Variants in TEX15 observed in about 807,000 individuals in gnomAD.
TEX15 encodes testis expressed 15, meiosis and synapsis associated, also known as testis-expressed protein 15.
In TEX15, 171 loss-of-function variants were observed where a neutral mutation model predicts 237.3. The observed-to-expected ratio is 0.72, with a 90% CI of 0.64 to 0.82. The LOEUF (loss-of-function observed/expected upper bound fraction) is 0.82. Among genes scored for constraint, TEX15 ranks in the 40% least tolerant of loss-of-function variants. TEX15 has a pLI of 0.00. For missense variants in TEX15, 3,750 were observed against 3,646.5 expected (o/e 1.03, Z -0.73); for synonymous variants, 1,338 against 1,269.8 (o/e 1.05, Z -1.14).
chr8:30,849,452 C>T (rs531699062), intron 7 of TEX15, 136 bp from the exon 8 acceptor site: 88 of 499,718 alleles, frequency 1.8e-4, no homozygotes, highest in East Asian at 1.5e-3. Flanking sequence ...GTGTTTTCAA[C>T]GGAAAAAGCA....
intron 5 of TEX15, among the ~76,000 whole-genome samples, chr8:30,863,662 C>CAGCCAGACATA (rs1808097587): frequency 6.6e-6 from 1 of 151,498 alleles, no homozygotes; most frequent in Admixed American, 6.6e-5. Flanking sequence ...CCCTATTTTG[C>CAGCCAGACATA]AGCCAGACAT....
At chr8:30,900,511 T>C (rs1032470048) in intron 1 of TEX15, among the ~76,000 whole-genome samples, 24 of 152,236 alleles carry the variant, frequency 1.6e-4, no homozygotes, top group African/African-American at 4.8e-4. Flanking sequence ...ACTGTAATTA[T>C]AGTAAGTTGA....
At position 30,842,613 on chromosome 8, in the gene TEX15, A is replaced by C; in HGVS notation, c.7554T>G (p.Leu2518=). The C allele has an allele frequency of 6.2e-7, 1 of 1,611,406 alleles. No homozygotes were observed. Among genetic ancestry groups the C allele is most frequent in the Non-Finnish European group, 8.5e-7 (1 of 1,179,790 alleles). ...TGCAGATAATATCCAGATCTTTCTT[A>C]AGTTCGGAAACAGCAGTCTCTATCA... ...WKVIETAVSE[L]KKDLDIICKY... is the part of the protein sequence containing the mutation. Residue 2518 remains leucine (L), a synonymous_variant, in exon 8 of 11, where the codon CTT becomes CTG. Coordinates refer to ENST00000643185, the MANE Select transcript of TEX15 (RefSeq NM_001350162.2).
At chr8:30,889,447 G>A (rs536522487) in intron 2 of TEX15, among the ~76,000 whole-genome samples, 2 of 151,908 alleles carry the variant, frequency 1.3e-5, no homozygotes, top group African/African-American at 2.4e-5. Flanking sequence ...ATGAGACTCC[G>A]GCTCAAAGAA....
At chr8:30,862,746 C>T (rs1028364998) in intron 5 of TEX15, among the ~76,000 whole-genome samples, 4 of 152,124 alleles carry the variant, frequency 2.6e-5, no homozygotes, top group Non-Finnish European at 5.9e-5. Context: ...AAAGCTTAAC[C>T]AGAGTAAATC....
chr8:30,849,888 G>T (rs1478046109), intron 7 of TEX15, among the ~76,000 whole-genome samples: 1 of 151,986 alleles, frequency 6.6e-6, no homozygotes, highest in African/African-American at 2.4e-5. Context: ...AACAGAGCAA[G>T]ACTCCATCTC....
At chr8:30,890,870 TTC>T (rs1442039387) in intron 2 of TEX15, among the ~76,000 whole-genome samples, 4 of 152,250 alleles carry the variant, frequency 2.6e-5, no homozygotes, top group Admixed American at 6.5e-5. Flanking sequence ...GAGCTATTTT[TTC>T]TGTGAATCAC....
rs747443938 is a variant in TEX15, at chr8:30,846,629, T to C, written c.3538A>G (p.Ser1180Gly). 6.2e-7 allele frequency: 1 copy of C among 1,613,924 alleles called. No homozygotes were observed. The highest frequency in any genetic ancestry group is 8.5e-7 in the Non-Finnish European group (1 of 1,179,842). Residue 1180 changes from serine (S) to glycine (G), a missense_variant, in exon 8 of 11, where the codon AGT becomes GGT. By Grantham distance (56) the Ser-to-Gly change is moderately conservative. Transcript: ENST00000643185. ...GCTTCAGTTACATGTGTGCAAAAACTATCTTTCAATGCAAGGGAGTCAGCT... is the reference window on the plus strand; with the variant it reads ...GCTTCAGTTACATGTGTGCAAAAACCATCTTTCAATGCAAGGGAGTCAGCT... Reference protein sequence around the residue: ...PTADSLALKDSFCTHVTEATK... With the variant: ...PTADSLALKDGFCTHVTEATK...
At chr8:30,896,402 A>T (rs1409484063) in intron 2 of TEX15, among the ~76,000 whole-genome samples, 3 of 152,168 alleles carry the variant, frequency 2.0e-5, no homozygotes, top group Admixed American at 1.3e-4. Context: ...TTAGAAACAG[A>T]TTACCAAATT....
Position 30,831,877 on chromosome 8 carries a change from C to T in TEX15, c.*1409G>A, listed in dbSNP as rs1469787635. ...CATTTTTGAATACCAGTTAATATTA[C>T]TGCTTTCAAAGTTGTTCAGGAGTTC... On this transcript the variant is annotated 3_prime_UTR_variant, in exon 11 of 11. Transcript: ENST00000643185. 6.6e-6 allele frequency: 1 copy of T among 152,330 alleles called. No individual in the cohort carries two copies. The highest frequency in any genetic ancestry group is 1.9e-4 in the East Asian group (1 of 5,188). 9.4% of individuals were successfully genotyped at this position (152,330 alleles called of 1,614,324 possible).
intron 3 of TEX15, among the ~76,000 whole-genome samples, chr8:30,883,320 C>T (rs1452305719): frequency 6.6e-6 from 1 of 152,104 alleles, no homozygotes; most frequent in Non-Finnish European, 1.5e-5. Context: ...GAGACCACAG[C>T]TGAATATCCA....
At chr8:30,839,438 A>T (rs1344769141) in intron 9 of TEX15, among the ~76,000 whole-genome samples, 1 of 152,236 alleles carries the variant, frequency 6.6e-6, no homozygotes, top group Non-Finnish European at 1.5e-5. Flanking sequence ...GTTAAAAAAA[A>T]AAGTAATCTT....
Position 30,848,527 on chromosome 8 carries a change from A to G in TEX15, c.1640T>C (p.Val547Ala). 6.2e-7 allele frequency: 1 copy of G among 1,614,164 alleles called. No individual in the cohort carries two copies. The highest frequency in any genetic ancestry group is 8.5e-7 in the Non-Finnish European group (1 of 1,180,008). ...NFSFPISVSN[V>A]VSEVENQNHS... ...GTTTTGGTTCTCAACCTCTGACACTACATTTGACACAGAAATTGGGAAGGA... is the reference window on the plus strand; with the variant it reads ...GTTTTGGTTCTCAACCTCTGACACTGCATTTGACACAGAAATTGGGAAGGA... Residue 547 changes from valine (V) to alanine (A), a missense_variant, in exon 8 of 11, where the codon GTA (valine) becomes GCA (alanine). Val to Ala is a moderately conservative substitution (Grantham distance 64, BLOSUM62 0). Coordinates refer to ENST00000643185, the MANE Select transcript of TEX15 (RefSeq NM_001350162.2).
rs564351277 is a variant in TEX15 at position 30,844,426 on chromosome 8, G to A, written c.5741C>T (p.Thr1914Ile). The change falls in exon 8 of 11, where the codon ACA becomes ATA. Residue 1914 changes from threonine to isoleucine, a missense_variant. By Grantham distance (89) the Thr-to-Ile change is moderately conservative. Transcript: ENST00000643185. ...TCTTTTGTTAAGCGGATTAGAAACT[G>A]TGTTCTTCAAAGGGACTGACTCAGT... is the stretch of plus-strand genomic sequence containing the variant. ...TTTESVPLKN[T>I]VSNPLNKREK... 6.2e-7 allele frequency: 1 copy of A among 1,612,096 alleles called. No individual in the cohort carries two copies. Among genetic ancestry groups the A allele is most frequent in the Non-Finnish European group, 8.5e-7 (1 of 1,179,236 alleles).
At position 30,842,595 on chromosome 8, in the gene TEX15, A is replaced by G; in HGVS notation, c.7572T>C (p.Ile2524=). The change falls in exon 8 of 11, where the codon ATT becomes ATC. Residue 2524 remains isoleucine, a synonymous_variant. Coordinates refer to ENST00000643185, the MANE Select transcript of TEX15 (RefSeq NM_001350162.2). Reference sequence around the variant, plus strand: ...TAACAGCTTCATTATATTTGCAGATAATATCCAGATCTTTCTTAAGTTCGG... The same window carrying G: ...TAACAGCTTCATTATATTTGCAGATGATATCCAGATCTTTCTTAAGTTCGG... ...AVSELKKDLD[I]ICKYNEAVNC... 6.2e-7 allele frequency: 1 copy of G among 1,611,020 alleles called. No individual in the cohort carries two copies. The highest frequency in any genetic ancestry group is 8.5e-7 in the Non-Finnish European group (1 of 1,179,712).
chr8:30,912,352 C>T (rs1351071427), intron 1 of TEX15, among the ~76,000 whole-genome samples: 2 of 152,118 alleles, frequency 1.3e-5, no homozygotes, highest in Non-Finnish European at 2.9e-5. Context: ...CCTCCCCGCC[C>T]CCGCGGATAT....
In TEX15 at chr8:30,845,589, T is replaced by C. The variant is rs1314361424; in HGVS notation, c.4578A>G (p.Gln1526=). Residue 1526 remains glutamine, a synonymous_variant, in exon 8 of 11, where the codon CAA becomes CAG. Transcript: ENST00000643185. ...TATAATAAACTGACTGACTTGTACT[T>C]TGGGATGTGGAGGATACAGGCAACT... ...ESQLPVSSTS[Q]STSQSVYYNS... 2 of 1,613,464 alleles carry C rather than the reference T, an allele frequency of 1.2e-6. No homozygotes were observed. Among genetic ancestry groups the C allele is most frequent in the Non-Finnish European group, 1.7e-6 (2 of 1,179,592 alleles).
At chr8:30,854,818 G>A (rs921815712) in intron 7 of TEX15, among the ~76,000 whole-genome samples, 3 of 152,032 alleles carry the variant, frequency 2.0e-5, no homozygotes, top group African/African-American at 4.8e-5. Flanking sequence ...CAAGGAATGC[G>A]ATGTTAACAT....
chr8:30,870,157 A>T (rs1808262199), intron 4 of TEX15, among the ~76,000 whole-genome samples: 1 of 151,926 alleles, frequency 6.6e-6, no homozygotes, highest in Non-Finnish European at 1.5e-5. Context: ...TTTTTAACTA[A>T]TATTTTATTA....
Sources: gnomAD v4.1 joint callset for allele counts (sites outside exome capture counted in the v4.1 genomes callset) on GRCh38, gnomAD v4.1.1 for gene constraint, MANE v1.5 for transcripts, NCBI Gene and HGNC (gene_info 2026-07-23, HGNC 2026-07-21) for gene names.